Variants in NFKB1 observed in about 807,000 individuals in gnomAD.
NFKB1 encodes the protein nuclear factor kappa B subunit 1.
A neutral mutation model predicts 105.1 loss-of-function variants in NFKB1; 9 were observed. The ratio of observed to expected loss-of-function variants is 0.09; its 90% CI spans 0.05 to 0.15. NFKB1 has a LOEUF of 0.15. Among genes scored for constraint, NFKB1 ranks in the 10% least tolerant of loss-of-function variants. The probability of loss-of-function intolerance (pLI) is 1.00; values close to 1 mark genes in which losing one functional copy is unlikely to be tolerated. For synonymous variants in NFKB1, 440 were observed against 442.2 expected, an observed-to-expected ratio of 1.00 and a Z score of 0.06; for missense variants, 830 against 1,203.7, an observed-to-expected ratio of 0.69 and a Z score of 4.59.
At chr4:102,571,512 G>A (rs230503) in intron 6 of NFKB1, among the ~76,000 whole-genome samples, 110,734 of 152,082 alleles carry the variant, frequency 0.73, 41,633 homozygotes, top group African/African-American at 0.92. Context: ...GAGCTTCTCC[G>A]CAGCAAAAGA....
At chr4:102,596,397 A>G in intron 14 of NFKB1, 65 bp downstream of exon 14, 1 of 1,291,674 alleles carries the variant, frequency 7.7e-7, no homozygotes, top group Admixed American at 2.4e-5. Flanking sequence ...AGGTGCAGAA[A>G]GATATCTGCT....
chr4:102,524,029 G>GAA (rs571312467), intron 1 of NFKB1, among the ~76,000 whole-genome samples: 1,808 of 141,316 alleles, frequency 0.013, 44 homozygotes, highest in African/African-American at 0.044. Flanking sequence ...TAGACTTTAT[G>GAA]AAAAAAAAAA....
intron 2 of NFKB1, among the ~76,000 whole-genome samples, chr4:102,526,857 A>G (rs1181942616): frequency 6.6e-6 from 1 of 152,150 alleles, no homozygotes; most frequent in Non-Finnish European, 1.5e-5. Context: ...AAATGTTGGA[A>G]TAATCTAACA....
chr4:102,514,287 T>C (rs1468673815), intron 1 of NFKB1, among the ~76,000 whole-genome samples: 1 of 152,166 alleles, frequency 6.6e-6, no homozygotes, highest in Non-Finnish European at 1.5e-5. Flanking sequence ...AAGCCTTCTA[T>C]ATCTTTCCTA....
intron 11 of NFKB1, among the ~76,000 whole-genome samples, chr4:102,591,081 A>AT (rs1261694932): frequency 6.6e-6 from 1 of 152,200 alleles, no homozygotes; most frequent in African/African-American, 2.4e-5. Flanking sequence ...AAAAGAAGCC[A>AT]TCTCGATAAC....
rs118103345 is a variant in NFKB1, at chr4:102,514,511, C to T, written c.-7-11001C>T. ...TAGAGGATGCATCCCTCACCAGATA[C>T]CAAATGCTGGTGCCTTGATCTTGGG... On this transcript the variant is annotated intron_variant, in intron 1 of 23. Coordinates refer to ENST00000226574, the MANE Select transcript of NFKB1 (RefSeq NM_003998.4). Among the ~76,000 whole-genome samples, 1,054 of 152,276 alleles carry T rather than the reference C, an allele frequency of 6.9e-3. 25 individuals are homozygous for T. Among genetic ancestry groups the T allele is most frequent in the Admixed American group, 0.049 (746 of 15,300 alleles).
chr4:102,573,135 C>G (rs2149176624), intron 6 of NFKB1, among the ~76,000 whole-genome samples: 1 of 152,098 alleles, frequency 6.6e-6, no homozygotes, highest in East Asian at 1.9e-4. Flanking sequence ...ATGGAGAAAC[C>G]CCGTCTCTAC....
At chr4:102,527,468 A>C (rs1331717221) in intron 2 of NFKB1, among the ~76,000 whole-genome samples, 1 of 152,212 alleles carries the variant, frequency 6.6e-6, no homozygotes, top group Non-Finnish European at 1.5e-5. Context: ...ACGTGCAAAG[A>C]ATCAGCCAGA....
chr4:102,529,152 TCA>T (rs548639684), intron 2 of NFKB1, among the ~76,000 whole-genome samples: 43 of 152,168 alleles, frequency 2.8e-4, no homozygotes, highest in Non-Finnish European at 5.0e-4. Context: ...AAGGTAGCAC[TCA>T]CAGTTTCTGA....
intron 4 of NFKB1, among the ~76,000 whole-genome samples, chr4:102,536,048 T>G (rs1741614403): frequency 6.6e-6 from 1 of 152,276 alleles, no homozygotes; most frequent in East Asian, 1.9e-4. Flanking sequence ...GTTAATTAAC[T>G]AATACTGTTC....
At chr4:102,530,570 G>A (rs1308455976) in intron 3 of NFKB1, among the ~76,000 whole-genome samples, 5 of 152,052 alleles carry the variant, frequency 3.3e-5, no homozygotes, top group Admixed American at 2.0e-4. Context: ...CACTTCACCC[G>A]TCACCAGTGG....
At chr4:102,591,419 C>CAAA (rs59255093) in intron 11 of NFKB1, among the ~76,000 whole-genome samples, 39,117 of 100,984 alleles carry the variant, frequency 0.39, 6,645 homozygotes, top group East Asian at 0.53. Context: ...GACCCTGGCT[C>CAAA]AAAAAAAAAA....
At chr4:102,510,984 G>T (rs1175928788) in intron 1 of NFKB1, 2 of 1,279,152 alleles carry the variant, frequency 1.6e-6, no homozygotes, top group Admixed American at 4.7e-5. Flanking sequence ...TAAAAAGTCA[G>T]CCTTTAAAAA....
At chr4:102,579,793 G>A (rs1209164734) in intron 8 of NFKB1, among the ~76,000 whole-genome samples, 1 of 151,810 alleles carries the variant, frequency 6.6e-6, no homozygotes, top group East Asian at 1.9e-4. Flanking sequence ...CAAAAAGCCT[G>A]CAAGCATAGT....
intron 4 of NFKB1, chr4:102,537,491 A>G: frequency 6.2e-6 from 1 of 161,850 alleles, no homozygotes. Context: ...AATATGGTAC[A>G]GTTCAGAGCT....
intron 1 of NFKB1, among the ~76,000 whole-genome samples, chr4:102,520,345 C>T (rs1479632315): frequency 1.3e-5 from 2 of 152,164 alleles, no homozygotes; most frequent in African/African-American, 2.4e-5. Flanking sequence ...GCTTATTATG[C>T]CATCTAATAA....
At chr4:102,576,496 A>G (rs1020782735) in intron 6 of NFKB1, among the ~76,000 whole-genome samples, 1 of 152,224 alleles carries the variant, frequency 6.6e-6, no homozygotes, top group Non-Finnish European at 1.5e-5. Context: ...TCTGAAAACC[A>G]AAACATTCTT....
chr4:102,511,095 T>G (rs1054430660), intron 1 of NFKB1: 1 of 449,770 alleles, frequency 2.2e-6, no homozygotes, highest in African/African-American at 2.0e-5. Context: ...TTTATTATTT[T>G]TTCCTTCCTT....
intron 1 of NFKB1, among the ~76,000 whole-genome samples, chr4:102,519,992 A>G (rs1202931870): frequency 6.6e-6 from 1 of 152,188 alleles, no homozygotes; most frequent in Non-Finnish European, 1.5e-5. Flanking sequence ...TCTCATGCTC[A>G]GCGTTATTGA....
Sources: gnomAD v4.1 joint callset for allele counts (sites outside exome capture counted in the v4.1 genomes callset) on GRCh38, gnomAD v4.1.1 for gene constraint, MANE v1.5 for transcripts, NCBI Gene and HGNC (gene_info 2026-07-23, HGNC 2026-07-21) for gene names.